Variants in PTPRD observed in about 807,000 individuals in gnomAD.
PTPRD encodes the protein protein tyrosine phosphatase receptor type D.
A neutral mutation model predicts 214.5 loss-of-function variants in PTPRD; 34 were observed. The ratio of observed to expected loss-of-function variants is 0.16; its 90% CI spans 0.12 to 0.21. The LOEUF (loss-of-function observed/expected upper bound fraction) is 0.21, where lower values mean the gene tolerates loss of function less well. PTPRD is among the 10% of genes least tolerant of loss of function. The pLI, the probability that PTPRD is intolerant of heterozygous loss-of-function variation, is 1.00. For missense variants in PTPRD, 2,545 were observed against 2,398.7 expected, an observed-to-expected ratio of 1.06 and a Z score of -1.27; for synonymous variants, 1,128 against 845.7, an observed-to-expected ratio of 1.33 and a Z score of -5.79.
chr9:10,035,437 T>C (rs1461362979), intron 3 of PTPRD, among the ~76,000 whole-genome samples: 8 of 152,210 alleles, frequency 5.3e-5, no homozygotes, highest in Admixed American at 5.2e-4. Context: ...TGTAGTTTAA[T>C]TTGATCTCAT....
intron 12 of PTPRD, among the ~76,000 whole-genome samples, chr9:8,678,125 A>T (rs2097470858): frequency 6.6e-6 from 1 of 152,200 alleles, no homozygotes; most frequent in Non-Finnish European, 1.5e-5. Context: ...TATATTTTTG[A>T]AAGTTTTGAA....
At chr9:9,871,000 T>C (rs1046366784) in intron 5 of PTPRD, among the ~76,000 whole-genome samples, 2 of 152,146 alleles carry the variant, frequency 1.3e-5, no homozygotes, top group African/African-American at 4.8e-5. Context: ...AACAAATTAC[T>C]ACTCCATAAA....
At chr9:8,870,687 A>AACACATAC (rs1555457934) in intron 11 of PTPRD, among the ~76,000 whole-genome samples, 1 of 131,372 alleles carries the variant, frequency 7.6e-6, no homozygotes, top group Non-Finnish European at 1.6e-5. Context: ...ACAGACATGA[A>AACACATAC]ACACACACAC....
chr9:8,394,221 G>C (rs914726841), intron 36 of PTPRD, among the ~76,000 whole-genome samples: 4 of 151,736 alleles, frequency 2.6e-5, no homozygotes, highest in Admixed American at 2.6e-4. Context: ...CTATGGATTT[G>C]ATTTTTGGGG....
At chr9:9,685,046 GCA>G (rs1399006776) in intron 7 of PTPRD, among the ~76,000 whole-genome samples, 2 of 151,366 alleles carry the variant, frequency 1.3e-5, no homozygotes, top group Non-Finnish European at 3.0e-5. Flanking sequence ...CTATTTTTCA[GCA>G]TAAAACTTTA....
chr9:8,495,101 T>C lies in PTPRD; in HGVS notation c.2350-2122A>G, dbSNP rs537151804. 3.9e-4 allele frequency among the ~76,000 whole-genome samples: 60 copies of C among 152,346 alleles called. No individual in the cohort carries two copies. The South Asian group carries it at 0.012, about 30-fold the overall frequency. On this transcript the variant is annotated intron_variant, in intron 26 of 45. Coordinates refer to ENST00000381196, the MANE Select transcript of PTPRD (RefSeq NM_002839.4). ...TATTTCTGCCCATATTCCTGATTTA[T>C]TTCCAGCTGTGACTTCCAATCTGAG...
chr9:10,115,829 A>G (rs986672459), intron 3 of PTPRD, among the ~76,000 whole-genome samples: 1 of 152,108 alleles, frequency 6.6e-6, no homozygotes, highest in Admixed American at 6.6e-5. Flanking sequence ...AGGACAATAA[A>G]TCTATATCAA....
At chr9:9,827,495 C>T (rs952348778) in intron 5 of PTPRD, among the ~76,000 whole-genome samples, 1 of 152,026 alleles carries the variant, frequency 6.6e-6, no homozygotes, top group Admixed American at 6.6e-5. Flanking sequence ...ACACTTTATA[C>T]AAAAATTAAT....
chr9:8,930,711 G>T, intron 11 of PTPRD, among the ~76,000 whole-genome samples: 1 of 152,210 alleles, frequency 6.6e-6, no homozygotes, highest in East Asian at 1.9e-4. Flanking sequence ...CTGATGGCCA[G>T]TGATGATGAG....
chr9:8,517,673 T>C lies in PTPRD; in HGVS notation c.1543+175A>G, dbSNP rs558914460. Among the ~76,000 whole-genome samples, 23 of 152,310 alleles carry C rather than the reference T, an allele frequency of 1.5e-4. No individual in the cohort carries two copies. The South Asian group carries it at 2.7e-3, about 18-fold the overall frequency. ...GCATTGTTCTGCTCAAAATGATTAG[T>C]TTTTCAGATGTCCATGCTTGTTCCT... On this transcript the variant is annotated intron_variant, in intron 21 of 45. Coordinates refer to ENST00000381196, the MANE Select transcript of PTPRD (RefSeq NM_002839.4).
At chr9:8,439,698 T>C (rs2095477585) in intron 34 of PTPRD, among the ~76,000 whole-genome samples, 1 of 152,150 alleles carries the variant, frequency 6.6e-6, no homozygotes, top group South Asian at 2.1e-4. Context: ...CTTCAAAATA[T>C]TGTTACACAA....
intron 11 of PTPRD, among the ~76,000 whole-genome samples, chr9:8,929,909 A>ATGTGTATATACATG (rs1555537672): frequency 0.013 from 812 of 61,136 alleles, 186 homozygotes; most frequent in East Asian, 0.066. Context: ...GTGTATATAT[A>ATGTGTATATACATG]TGTGTGTGTA....
At chr9:9,006,426 A>C (rs1270085811) in intron 11 of PTPRD, among the ~76,000 whole-genome samples, 2 of 152,108 alleles carry the variant, frequency 1.3e-5, no homozygotes, top group African/African-American at 4.8e-5. Flanking sequence ...CAAATCATTC[A>C]TTCCCTTGGT....
rs542835978 is a variant in PTPRD, at chr9:8,823,550, C to T, written c.-103-89604G>A. 1.1e-4 allele frequency among the ~76,000 whole-genome samples: 16 copies of T among 152,156 alleles called. No homozygotes were observed. The South Asian group carries it at 1.5e-3, about 14-fold the overall frequency. On this transcript the variant is annotated intron_variant, in intron 11 of 45. Transcript: ENST00000381196. ...CTGTAAGTCCCAGCAGCTCGAGAGG[C>T]TAAGGCGGGAAGATCACCTGGGCCA...
intron 8 of PTPRD, among the ~76,000 whole-genome samples, chr9:9,570,993 T>C (rs764433442): frequency 1.3e-5 from 2 of 151,524 alleles, no homozygotes; most frequent in Non-Finnish European, 3.0e-5. Flanking sequence ...TCTACTTTGC[T>C]GTTCTACTTC....
intron 11 of PTPRD, among the ~76,000 whole-genome samples, chr9:8,996,381 G>A (rs187726781): frequency 5.3e-4 from 80 of 152,146 alleles, no homozygotes; most frequent in East Asian, 1.6e-3. Context: ...CAAGGGTTAC[G>A]TAATGGATGA....
intron 5 of PTPRD, among the ~76,000 whole-genome samples, chr9:9,870,125 G>T (rs1330008781): frequency 3.3e-5 from 5 of 151,986 alleles, no homozygotes; most frequent in Non-Finnish European, 1.5e-5. Context: ...AATGGAAAAG[G>T]TAATCTCTAA....
intron 21 of PTPRD, among the ~76,000 whole-genome samples, chr9:8,517,096 G>A (rs746215026): frequency 1.3e-5 from 2 of 151,994 alleles, no homozygotes; most frequent in African/African-American, 2.4e-5. Context: ...GTGAGCCACT[G>A]TGCGTGGCTC....
At chr9:10,553,039 C>T (rs1180650118) in intron 2 of PTPRD, among the ~76,000 whole-genome samples, 1 of 152,098 alleles carries the variant, frequency 6.6e-6, no homozygotes, top group African/African-American at 2.4e-5. Context: ...CTGAGGCAGT[C>T]TGTGCCTCCA....
Sources: allele counts gnomAD v4.1 joint callset (sites outside exome capture counted in the v4.1 genomes callset), GRCh38; gene constraint gnomAD v4.1.1; transcripts MANE v1.5; gene names NCBI Gene and HGNC (gene_info 2026-07-23, HGNC 2026-07-21).